Variants in MUC13 observed in about 807,000 individuals in gnomAD.
The protein encoded by MUC13 is mucin 13, cell surface associated, also known as mucin-13.
MUC13 carries 32 observed loss-of-function variants against 48.3 expected under a neutral mutation model. The ratio of observed to expected loss-of-function variants is 0.66; its 90% CI spans 0.50 to 0.89. The LOEUF is 0.89. Ranked by LOEUF, MUC13 falls within the 40% of genes least tolerant of loss-of-function variation. The pLI is 0.00. For missense variants in MUC13, 571 were observed against 622.8 expected, an observed-to-expected ratio of 0.92 and a Z score of 0.88; for synonymous variants, 199 against 224.9, an observed-to-expected ratio of 0.88 and a Z score of 1.03.
At chr3:124,918,838 C>T (rs961534380) in intron 5 of MUC13, among the ~76,000 whole-genome samples, 1 of 152,194 alleles carries the variant, frequency 6.6e-6, no homozygotes, top group African/African-American at 2.4e-5. Flanking sequence ...GTCCGCTGTA[C>T]ACCTCCAGCT....
chr3:124,931,841 G>A (rs1250095668), intron 1 of MUC13, among the ~76,000 whole-genome samples: 3 of 151,902 alleles, frequency 2.0e-5, no homozygotes, highest in Admixed American at 1.3e-4. Flanking sequence ...TCAGGAGTTC[G>A]AGAACAGCCT....
chr3:124,912,063 G>A, intron 9 of MUC13, 41 bp downstream of exon 9: 2 of 1,603,938 alleles, frequency 1.2e-6, no homozygotes, highest in Non-Finnish European at 1.7e-6. Flanking sequence ...TTTCTCAGAT[G>A]TTTAATAACT....
chr3:124,913,508 AAAG>A, intron 7 of MUC13, 51 bp downstream of exon 7: 2 of 1,610,614 alleles, frequency 1.2e-6, no homozygotes, highest in Admixed American at 1.7e-5. Context: ...TTATGTTGCA[AAAG>A]AAGAGAAAGT....
intron 9 of MUC13, among the ~76,000 whole-genome samples, chr3:124,910,927 C>A (rs892245060): frequency 6.6e-5 from 10 of 152,136 alleles, no homozygotes; most frequent in Admixed American, 3.3e-4. Context: ...TTGATAATAA[C>A]ATCAATGAGG....
intron 5 of MUC13, among the ~76,000 whole-genome samples, chr3:124,916,997 G>A (rs907748632): frequency 1.3e-5 from 2 of 152,058 alleles, no homozygotes; most frequent in African/African-American, 2.4e-5. Flanking sequence ...TTTCAGAGTG[G>A]GAACATGATT....
rs1383848172 is a variant in MUC13, at chr3:124,922,221, G to A, written c.720C>T (p.Asp240=). The change falls in exon 4 of 12, where the codon GAC becomes GAT. Residue 240 remains aspartate (D), a synonymous_variant. Transcript: ENST00000616727. ...CCAAGCTAGTAATTTCACTATGCAA[G>A]TCTTGATAGGCCATGGAATGTTTCT... The part of the protein sequence containing the change: ...PEEKHSMAYQ[D]LHSEITSLFK... The A allele has an allele frequency of 6.2e-7, 1 of 1,613,970 alleles. No homozygotes were observed. The highest frequency in any genetic ancestry group is 1.3e-5 in the African/African-American group (1 of 74,920).
At position 124,908,358 on chromosome 3, in the gene MUC13, G is replaced by C. The variant is rs1322912568; in HGVS notation, c.1338-10C>G. On this transcript the variant is annotated splice_polypyrimidine_tract_variant and intron_variant, in intron 10 of 11. Transcript: ENST00000616727. Reference sequence around the variant, plus strand: ...CGTTTTGTTATTTGATCTGTAATCAGTAAGAGGAATTAGGATTTGACAATG... The same window carrying C: ...CGTTTTGTTATTTGATCTGTAATCACTAAGAGGAATTAGGATTTGACAATG... The C allele has an allele frequency of 5.0e-6, 8 of 1,609,548 alleles. No individual in the cohort carries two copies. The highest frequency in any genetic ancestry group is 6.8e-6 in the Non-Finnish European group (8 of 1,176,136).
At position 124,920,249 on chromosome 3, in the gene MUC13, A is replaced by G. The variant is rs1935572042; in HGVS notation, c.785T>C (p.Val262Ala). The G allele has an allele frequency of 1.2e-6, 2 of 1,607,280 alleles. No homozygotes were observed. The highest frequency in any genetic ancestry group is 1.3e-5 in the African/African-American group (1 of 74,984). Residue 262 changes from valine (V) to alanine (A), a missense_variant, in exon 5 of 12, where the codon GTA becomes GCA. Coordinates refer to ENST00000616727, the MANE Select transcript of MUC13 (RefSeq NM_033049.4). ...VFGTSVYGQT[V>A]ILTVSTSLSP... ...ACAAACTTACCTTACAGTAAGAATT[A>G]CAGTCTGTCCATAAACAGATGTGCC...
At position 124,914,263 on chromosome 3, in the gene MUC13, C is replaced by T. The variant is rs866697299; in HGVS notation, c.965-582G>A. On this transcript the variant is annotated intron_variant, in intron 6 of 11. Coordinates refer to ENST00000616727, the MANE Select transcript of MUC13 (RefSeq NM_033049.4). Reference sequence around the variant, plus strand: ...CATCTCTGCTAAAAATACAAAAATTCGCTGGGTGTGGTGGCATGTGCCTGT... The same window carrying T: ...CATCTCTGCTAAAAATACAAAAATTTGCTGGGTGTGGTGGCATGTGCCTGT... Among the ~76,000 whole-genome samples, 106 of 151,462 alleles carry T rather than the reference C, an allele frequency of 7.0e-4. 1 individual carries two copies. The highest frequency in any genetic ancestry group is 3.4e-3 in the Middle Eastern group (1 of 294).
At chr3:124,930,378 T>G (rs1336913549) in intron 1 of MUC13, among the ~76,000 whole-genome samples, 1 of 152,200 alleles carries the variant, frequency 6.6e-6, no homozygotes, top group Non-Finnish European at 1.5e-5. Context: ...AATACACTTG[T>G]GTGTGTCTAT....
In MUC13 at chr3:124,929,170, C is replaced by CTTT. The variant is rs1238533365; in HGVS notation, c.53-1180_53-1178dup. On this transcript the variant is annotated intron_variant, in intron 1 of 11. Transcript: ENST00000616727. Reference sequence around the variant, plus strand: ...CAGTGATCCATTTTCTTCCCCCACTCTTTTATTTTATTTTTTTTTTTTAGA... The same window carrying CTTT: ...CAGTGATCCATTTTCTTCCCCCACTCTTTTTTTATTTTATTTTTTTTTTTTAGA... Among the ~76,000 whole-genome samples the CTTT allele has an allele frequency of 1.0e-4, 14 of 134,490 alleles. 1 individual carries two copies. The highest frequency in any genetic ancestry group is 8.3e-5 in the African/African-American group (3 of 36,136). The allele number at this position is 134,490 out of a possible 152,430, so 88.2% of individuals were successfully genotyped here.
chr3:124,905,840 C>G lies in MUC13; in HGVS notation c.*903G>C, dbSNP rs2107665885. Reference sequence around the variant, plus strand: ...TTTTTGTTTTTAAACCTTCTCCCAGCCAGTCTTCGGGAGGGCATGATTAGA... The same window carrying G: ...TTTTTGTTTTTAAACCTTCTCCCAGGCAGTCTTCGGGAGGGCATGATTAGA... On this transcript the variant is annotated 3_prime_UTR_variant, in exon 12 of 12. Coordinates refer to ENST00000616727, the MANE Select transcript of MUC13 (RefSeq NM_033049.4). 1 of 152,446 alleles carries G rather than the reference C, an allele frequency of 6.6e-6. No individual in the cohort carries two copies. Among genetic ancestry groups the G allele is most frequent in the South Asian group, 2.1e-4 (1 of 4,814 alleles). 9.4% of individuals were successfully genotyped at this position (152,446 alleles called of 1,614,324 possible). A position where few individuals can be genotyped will look rare whatever the true frequency, so the allele number is the denominator to read the frequency against.
intron 1 of MUC13, among the ~76,000 whole-genome samples, chr3:124,928,701 G>C (rs150863747): frequency 1.0e-3 from 158 of 152,314 alleles, no homozygotes; most frequent in African/African-American, 3.7e-3. Context: ...TGTTTTTTAA[G>C]TTGAATACTA....
chr3:124,933,886 T>G (rs572080088), intron 1 of MUC13, among the ~76,000 whole-genome samples: 1 of 152,328 alleles, frequency 6.6e-6, no homozygotes, highest in East Asian at 1.9e-4. Context: ...CTCACCCACA[T>G]GTGGCCCATA....
intron 1 of MUC13, among the ~76,000 whole-genome samples, chr3:124,933,632 T>A (rs571051405): frequency 6.6e-6 from 1 of 152,242 alleles, no homozygotes; most frequent in Non-Finnish European, 1.5e-5. Flanking sequence ...TTCTCCCTTC[T>A]TCCATAACTT....
At position 124,905,748 on chromosome 3, in the gene MUC13, C is replaced by G. The variant is rs1008471670; in HGVS notation, c.*995G>C. 2 of 152,922 alleles carry G rather than the reference C, an allele frequency of 1.3e-5. No homozygotes were observed. Among genetic ancestry groups the G allele is most frequent in the African/African-American group, 4.8e-5 (2 of 41,438 alleles). The allele number at this position is 152,922 out of a possible 1,614,324, so 9.5% of individuals were successfully genotyped here. On this transcript the variant is annotated 3_prime_UTR_variant, in exon 12 of 12. Coordinates refer to ENST00000616727, the MANE Select transcript of MUC13 (RefSeq NM_033049.4). ...GGCTGGACTCCTGAGCACAAGCTCC[C>G]TCTCGCACCCTTTGCCAGACAGTTT...
At chr3:124,918,481 C>T (rs1935542414) in intron 5 of MUC13, among the ~76,000 whole-genome samples, 1 of 152,142 alleles carries the variant, frequency 6.6e-6, no homozygotes, top group Admixed American at 6.5e-5. Context: ...CTGCAGGGTC[C>T]CATATTCTAG....
Position 124,927,947 on chromosome 3 carries a change from A to C in MUC13, c.99T>G (p.Thr33=). Residue 33 remains threonine (T), a synonymous_variant, in exon 2 of 12, where the codon ACT becomes ACG. Coordinates refer to ENST00000616727, the MANE Select transcript of MUC13 (RefSeq NM_033049.4). ...CAGCTACTGTAGGACCACTAGTCGC[A>C]GTTTCTGTGGTTGTTACAGCATCAG... ...NSADAVTTTE[T]ATSGPTVAAA... The C allele has an allele frequency of 6.3e-7, 1 of 1,583,958 alleles. No homozygotes were observed. Among genetic ancestry groups the C allele is most frequent in the Non-Finnish European group, 8.6e-7 (1 of 1,165,192 alleles).
intron 1 of MUC13, among the ~76,000 whole-genome samples, chr3:124,933,782 T>C (rs1935837683): frequency 6.6e-6 from 1 of 152,216 alleles, no homozygotes; most frequent in African/African-American, 2.4e-5. Context: ...CCTTTTTTCC[T>C]ATTAGTCCAT....
Sources: allele counts gnomAD v4.1 joint callset (sites outside exome capture counted in the v4.1 genomes callset), GRCh38; gene constraint gnomAD v4.1.1; transcripts MANE v1.5; gene names NCBI Gene and HGNC (gene_info 2026-07-23, HGNC 2026-07-21).